The following CTIF variants were observed in gnomAD, a reference collection of about 807,000 sequenced individuals.
The protein encoded by CTIF is cap binding complex dependent translation initiation factor, also known as CBP80/20-dependent translation initiation factor.
Under a neutral mutation model 66.0 loss-of-function variants are expected in CTIF, and 21 were observed. The ratio of observed to expected loss-of-function variants is 0.32; its 90% CI spans 0.23 to 0.46. CTIF has a LOEUF of 0.46. CTIF is among the 20% of genes least tolerant of loss of function. CTIF has a pLI of 1.00. For synonymous variants in CTIF, 345 were observed against 326.4 expected (o/e 1.06, Z -0.62); for missense variants, 739 against 812.7 (o/e 0.91, Z 1.10).
intron 7 of CTIF, among the ~76,000 whole-genome samples, chr18:48,726,616 G>A (rs1461212813): frequency 1.3e-5 from 2 of 152,138 alleles, no homozygotes; most frequent in African/African-American, 4.8e-5. Context: ...CATAGCAGCT[G>A]ACTTGTCCCA....
chr18:48,831,355 AC>A (rs1473446544), intron 10 of CTIF, among the ~76,000 whole-genome samples: 1 of 152,182 alleles, frequency 6.6e-6, no homozygotes, highest in Admixed American at 6.5e-5. Flanking sequence ...AATCCCACAA[AC>A]CACAATCTTT....
chr18:48,598,593 T>C (rs888108467), intron 1 of CTIF, among the ~76,000 whole-genome samples: 4 of 152,136 alleles, frequency 2.6e-5, no homozygotes, highest in African/African-American at 9.7e-5. Context: ...AACCCTTTGG[T>C]ATTTGCCAGC....
At chr18:48,758,962 C>T (rs956974298) in intron 8 of CTIF, among the ~76,000 whole-genome samples, 5 of 151,914 alleles carry the variant, frequency 3.3e-5, no homozygotes, top group Admixed American at 6.6e-5. Flanking sequence ...CAGTGCACAC[C>T]GTAAGGTGGC....
intron 7 of CTIF, among the ~76,000 whole-genome samples, chr18:48,743,682 G>A (rs1253035582): frequency 1.3e-5 from 2 of 152,196 alleles, no homozygotes; most frequent in Non-Finnish European, 2.9e-5. Context: ...TAAAGATCGG[G>A]TTAAACACAA....
At position 48,628,452 on chromosome 18, in the gene CTIF, T is replaced by C. The variant is rs554057753; in HGVS notation, c.181-8162T>C. Among the ~76,000 whole-genome samples the C allele has an allele frequency of 4.6e-5, 7 of 152,248 alleles. No individual in the cohort carries two copies. In the South Asian group the frequency reaches 1.5e-3, roughly 32 times the overall value. On this transcript the variant is annotated intron_variant, in intron 2 of 11. Transcript: ENST00000256413. ...TCTCACATGTTAACTCATTTAGTCT[T>C]GAAGATGTTGTTATTATTACCATCT...
intron 6 of CTIF, among the ~76,000 whole-genome samples, chr18:48,674,406 A>G (rs540836076): frequency 6.6e-6 from 1 of 152,294 alleles, no homozygotes; most frequent in East Asian, 1.9e-4. Flanking sequence ...AGAGGGCGCC[A>G]TGGGCCCCCA....
chr18:48,652,758 C>T (rs2091179653), intron 3 of CTIF, among the ~76,000 whole-genome samples: 1 of 152,202 alleles, frequency 6.6e-6, no homozygotes, highest in Non-Finnish European at 1.5e-5. Flanking sequence ...AATCCAGCAG[C>T]ATATCAAAAA....
chr18:48,817,452 C>T, intron 10 of CTIF, 76 bp downstream of exon 10: 1 of 1,512,366 alleles, frequency 6.6e-7, no homozygotes, highest in Non-Finnish European at 8.9e-7. Flanking sequence ...ATAACTGGGA[C>T]AAAGCTGTGA....
intron 9 of CTIF, among the ~76,000 whole-genome samples, chr18:48,815,228 C>T (rs1011050293): frequency 6.6e-6 from 1 of 152,138 alleles, no homozygotes; most frequent in Non-Finnish European, 1.5e-5. Flanking sequence ...TAAATATACA[C>T]AAAAACATTT....
intron 10 of CTIF, among the ~76,000 whole-genome samples, chr18:48,819,158 T>C (rs762895587): frequency 2.6e-5 from 4 of 152,196 alleles, no homozygotes; most frequent in Non-Finnish European, 4.4e-5. Context: ...TCTTAACAAA[T>C]GCACTTGAAA....
At chr18:48,581,387 C>T (rs1200407503) in intron 1 of CTIF, among the ~76,000 whole-genome samples, 1 of 152,122 alleles carries the variant, frequency 6.6e-6, no homozygotes, top group Non-Finnish European at 1.5e-5. Context: ...TTTGGCTCTG[C>T]CCTCATCTTA....
intron 10 of CTIF, among the ~76,000 whole-genome samples, chr18:48,825,241 C>A (rs753325611): frequency 6.6e-6 from 1 of 152,008 alleles, no homozygotes; most frequent in Non-Finnish European, 1.5e-5. Flanking sequence ...CCCCTCCAGG[C>A]CCCAGAAATC....
intron 1 of CTIF, among the ~76,000 whole-genome samples, chr18:48,562,126 C>T (rs1207140701): frequency 6.6e-6 from 1 of 152,148 alleles, no homozygotes; most frequent in East Asian, 1.9e-4. Context: ...TTTCTGGAAA[C>T]AACTCTTCTT....
intron 7 of CTIF, among the ~76,000 whole-genome samples, chr18:48,730,462 C>CCCCTGCGCTGTGAGGGGCCCCTGT (rs2092437893): frequency 7.8e-6 from 1 of 128,348 alleles, no homozygotes; most frequent in Non-Finnish European, 1.7e-5. Context: ...GGGGCTTCCG[C>CCCCTGCGCTGTGAGGGGCCCCTGT]GGTGTGAGGG....
intron 7 of CTIF, among the ~76,000 whole-genome samples, chr18:48,718,551 G>A (rs2092302983): frequency 2.6e-5 from 4 of 152,178 alleles, no homozygotes; most frequent in Admixed American, 2.6e-4. Flanking sequence ...AAGGGCAGGA[G>A]AAGATGGATG....
At chr18:48,628,046 G>A (rs778955406) in intron 2 of CTIF, among the ~76,000 whole-genome samples, 6 of 152,198 alleles carry the variant, frequency 3.9e-5, no homozygotes, top group Non-Finnish European at 5.9e-5. Context: ...GTGGTCACTG[G>A]AGGTGATGAG....
intron 6 of CTIF, among the ~76,000 whole-genome samples, chr18:48,702,341 A>T (rs773325682): frequency 3.9e-5 from 6 of 152,224 alleles, no homozygotes; most frequent in Non-Finnish European, 7.3e-5. Flanking sequence ...GGTGCATGTC[A>T]TAGGCTCTCA....
chr18:48,710,952 A>G (rs529262888), intron 6 of CTIF, among the ~76,000 whole-genome samples: 1 of 152,312 alleles, frequency 6.6e-6, no homozygotes, highest in East Asian at 1.9e-4. Context: ...AGCCTGGATG[A>G]CAAAACAAGA....
At chr18:48,659,797 G>A (rs1440464748) in intron 3 of CTIF, among the ~76,000 whole-genome samples, 1 of 152,236 alleles carries the variant, frequency 6.6e-6, no homozygotes, top group Non-Finnish European at 1.5e-5. Context: ...CCTGGGGAGG[G>A]AGACACAGGA....
Sources: gnomAD v4.1 joint callset for allele counts (sites outside exome capture counted in the v4.1 genomes callset) on GRCh38, gnomAD v4.1.1 for gene constraint, MANE v1.5 for transcripts, NCBI Gene and HGNC (gene_info 2026-07-23, HGNC 2026-07-21) for gene names.